SLC17A1: variants seen among roughly 807,000 people sequenced by gnomAD.
SLC17A1 encodes the protein sodium-dependent phosphate transport protein 1.
Under a neutral mutation model 53.5 loss-of-function variants are expected in SLC17A1, and 51 were observed. The observed-to-expected ratio is 0.95, with a 90% CI of 0.76 to 1.20. The LOEUF (loss-of-function observed/expected upper bound fraction) is 1.20, where lower values mean the gene tolerates loss of function less well. Ranked by LOEUF, SLC17A1 falls within the 50% of genes most tolerant of loss-of-function variation. The probability of loss-of-function intolerance (pLI) is 0.00; values close to 1 mark genes in which losing one functional copy is unlikely to be tolerated. For synonymous variants in SLC17A1, 179 were observed against 198.8 expected, an observed-to-expected ratio of 0.90 and a Z score of 0.84; for missense variants, 538 against 568.2, an observed-to-expected ratio of 0.95 and a Z score of 0.54.
chr6:25,732,013 C>T, the SLC17A1 span: 13 of 1,533,926 alleles, frequency 8.5e-6, no homozygotes, highest in Admixed American at 1.8e-5. Flanking sequence ...CCAGTGTCCG[C>T]GTGGACCTGC....
chr6:25,772,084 G>T, the SLC17A1 span, among the ~76,000 whole-genome samples: 2 of 152,058 alleles, frequency 1.3e-5, no homozygotes, highest in African/African-American at 4.8e-5. Context: ...TGTAAAATCA[G>T]GTGAATATAT....
At chr6:25,742,478 A>G in the SLC17A1 span, among the ~76,000 whole-genome samples, 1 of 146,678 alleles carries the variant, frequency 6.8e-6, no homozygotes, top group Admixed American at 7.0e-5. Flanking sequence ...AACATATTGA[A>G]ATGCTGTTTT....
chr6:25,747,820 C>T, the SLC17A1 span, among the ~76,000 whole-genome samples: 1 of 152,196 alleles, frequency 6.6e-6, no homozygotes, highest in Non-Finnish European at 1.5e-5. Context: ...AACTTCTCAG[C>T]CTTCAGAATT....
the SLC17A1 span, chr6:25,727,372 G>GT: frequency 5.0e-6 from 6 of 1,210,520 alleles, no homozygotes; most frequent in Non-Finnish European, 6.8e-6. Flanking sequence ...TGTGGGCTTC[G>GT]TTTTTGTGTA....
chr6:25,820,249 T>C (rs908192256), intron 3 of SLC17A1, among the ~76,000 whole-genome samples: 6 of 152,204 alleles, frequency 3.9e-5, no homozygotes, highest in African/African-American at 1.4e-4. Context: ...TACATTTAAA[T>C]AGTTAATTTC....
Position 25,819,509 on chromosome 6 carries a change from A to C in SLC17A1, c.529+2T>G. 1 of 1,607,230 alleles carries C rather than the reference A, an allele frequency of 6.2e-7. No individual in the cohort carries two copies. Among genetic ancestry groups the C allele is most frequent in the South Asian group, 1.1e-5 (1 of 90,902 alleles). Reference sequence around the variant, plus strand: ...CAAACATTCTAGGCTTTAATTCTTTACCTGATGTACTCATAGAAGTAAGTC... The same window carrying C: ...CAAACATTCTAGGCTTTAATTCTTTCCCTGATGTACTCATAGAAGTAAGTC... On this transcript the variant is annotated splice_donor_variant, in intron 5 of 12. Coordinates refer to ENST00000244527, the MANE Select transcript of SLC17A1 (RefSeq NM_005074.5). LOFTEE classifies it high-confidence loss of function.
chr6:25,789,234 C>T (rs1763449527), intron 12 of SLC17A1, among the ~76,000 whole-genome samples: 1 of 152,042 alleles, frequency 6.6e-6, no homozygotes, highest in Non-Finnish European at 1.5e-5. Context: ...TAAGAAAGTG[C>T]TCAAAGAATG....
At chr6:25,770,264 G>T in the SLC17A1 span, 2 of 1,614,124 alleles carry the variant, frequency 1.2e-6, no homozygotes, top group Non-Finnish European at 1.7e-6. Context: ...GAGTGGCCTT[G>T]CTCATTGTCC....
the SLC17A1 span, chr6:25,726,293 T>C: frequency 6.2e-7 from 1 of 1,614,086 alleles, no homozygotes; most frequent in Non-Finnish European, 8.5e-7. Flanking sequence ...CGGGGAATAA[T>C]GCGAGTTTTT....
At chr6:25,759,011 A>C in the SLC17A1 span, among the ~76,000 whole-genome samples, 5 of 152,266 alleles carry the variant, frequency 3.3e-5, no homozygotes, top group East Asian at 7.7e-4. Context: ...GTTGTCGTTC[A>C]GTTCAAAGAA....
At chr6:25,727,241 T>C in the SLC17A1 span, 2 of 1,613,432 alleles carry the variant, frequency 1.2e-6, no homozygotes, top group South Asian at 1.1e-5. Context: ...TGGCTAAACA[T>C]GCTGTGTCTG....
At chr6:25,752,086 C>G in the SLC17A1 span, among the ~76,000 whole-genome samples, 1 of 152,236 alleles carries the variant, frequency 6.6e-6, no homozygotes, top group African/African-American at 2.4e-5. Context: ...AGAGCATGTG[C>G]TGTATATTTG....
chr6:25,731,916 T>C, the SLC17A1 span: 3,022 of 1,602,270 alleles, frequency 1.9e-3, 14 homozygotes, highest in Non-Finnish European at 1.3e-3. Context: ...CTTGTCATAA[T>C]GCGCCAGGCG....
At chr6:25,732,869 A>G in the SLC17A1 span, 2 of 305,646 alleles carry the variant, frequency 6.5e-6, no homozygotes. Flanking sequence ...TGAATGTCTA[A>G]TGTCTAGAAG....
At chr6:25,769,012 C>A in the SLC17A1 span, 2 of 1,614,060 alleles carry the variant, frequency 1.2e-6, no homozygotes, top group South Asian at 2.2e-5. Context: ...CATGGGCTGG[C>A]CCTCATCTTG....
the SLC17A1 span, chr6:25,727,183 C>A: frequency 1.9e-6 from 3 of 1,614,198 alleles, no homozygotes; most frequent in Admixed American, 5.0e-5. Flanking sequence ...TCCACCATTT[C>A]TTCCAGAGAG....
At chr6:25,727,271 T>C in the SLC17A1 span, 1 of 1,607,030 alleles carries the variant, frequency 6.2e-7, no homozygotes, top group South Asian at 1.1e-5. Flanking sequence ...AGGCTGTCAC[T>C]AAGTACACCA....
At chr6:25,729,384 C>T in the SLC17A1 span, among the ~76,000 whole-genome samples, 1 of 152,192 alleles carries the variant, frequency 6.6e-6, no homozygotes, top group African/African-American at 2.4e-5. Flanking sequence ...ACTTTGCCAT[C>T]ATACTAGTTA....
At chr6:25,725,215 A>G in the SLC17A1 span, among the ~76,000 whole-genome samples, 1 of 152,162 alleles carries the variant, frequency 6.6e-6, no homozygotes, top group Non-Finnish European at 1.5e-5. Context: ...ACTCTTCCAA[A>G]TTTCTAAACT....
Sources: gnomAD v4.1 joint callset for allele counts (sites outside exome capture counted in the v4.1 genomes callset) on GRCh38, gnomAD v4.1.1 for gene constraint, MANE v1.5 for transcripts, NCBI Gene and HGNC (gene_info 2026-07-23, HGNC 2026-07-21) for gene names.